EPB41L3: variants seen among roughly 807,000 people sequenced by gnomAD.
EPB41L3 encodes band 4.1-like protein 3.
EPB41L3 carries 57 observed loss-of-function variants against 127.1 expected under a neutral mutation model. The observed-to-expected ratio is 0.45, with a 90% CI of 0.36 to 0.56. The LOEUF is 0.56. EPB41L3 is among the 20% of genes least tolerant of loss of function. EPB41L3 has a pLI of 0.00. For missense variants in EPB41L3, 1,273 were observed against 1,372.2 expected, an observed-to-expected ratio of 0.93 and a Z score of 1.14; for synonymous variants, 572 against 549.5, an observed-to-expected ratio of 1.04 and a Z score of -0.57.
chr18:5,407,616 G>C, intron 15 of EPB41L3, 85 bp downstream of exon 15: 1 of 1,423,680 alleles, frequency 7.0e-7, no homozygotes, highest in East Asian at 2.3e-5. Flanking sequence ...CATGCTGAAA[G>C]ATCTGAACGC....
intron 3 of EPB41L3, among the ~76,000 whole-genome samples, chr18:5,592,285 G>A (rs2094493224): frequency 6.6e-6 from 1 of 152,088 alleles, no homozygotes; most frequent in African/African-American, 2.4e-5. Context: ...TCCTGCCTCA[G>A]CCTCCTGAGT....
At chr18:5,569,441 C>A (rs2094248396) in intron 3 of EPB41L3, among the ~76,000 whole-genome samples, 1 of 152,026 alleles carries the variant, frequency 6.6e-6, no homozygotes, top group Non-Finnish European at 1.5e-5. Context: ...AAAGTAGTCC[C>A]CCTAATTAGA....
At chr18:5,464,255 T>A (rs1454504466) in intron 3 of EPB41L3, among the ~76,000 whole-genome samples, 1 of 152,206 alleles carries the variant, frequency 6.6e-6, no homozygotes, top group Non-Finnish European at 1.5e-5. Flanking sequence ...ACAGGGATAG[T>A]CAGCTAACAT....
At chr18:5,465,232 C>A (rs999895979) in intron 3 of EPB41L3, among the ~76,000 whole-genome samples, 1 of 152,188 alleles carries the variant, frequency 6.6e-6, no homozygotes, top group African/African-American at 2.4e-5. Context: ...ATCTTAAGCA[C>A]AATTGTTGCT....
chr18:5,424,337 A>G lies in EPB41L3; in HGVS notation c.1088T>C (p.Ile363Thr). Residue 363 changes from isoleucine (I) to threonine (T), a missense_variant, in exon 10 of 23, where the codon ATT (isoleucine) becomes ACT (threonine). Ile to Thr is a moderately conservative substitution (Grantham distance 89, BLOSUM62 -1). Coordinates refer to ENST00000341928, the MANE Select transcript of EPB41L3 (RefSeq NM_012307.5). ...TCGATGGTTTGGCAGCTTAAACCCA[A>G]TGGTGCTTTCAAATTGTTCAAACTA... ...PGEFEQFEST[I>T]GFKLPNHRAA... The G allele has an allele frequency of 1.9e-6, 3 of 1,605,224 alleles. No homozygotes were observed. The highest frequency in any genetic ancestry group is 2.6e-6 in the Non-Finnish European group (3 of 1,176,190).
chr18:5,544,573 T>A (rs1468451261), upstream of EPB41L3, among the ~76,000 whole-genome samples: 1 of 152,208 alleles, frequency 6.6e-6, no homozygotes, highest in Non-Finnish European at 1.5e-5. Flanking sequence ...CACCGAAATT[T>A]ACCTTGATTT....
chr18:5,496,901 C>A (rs1399236175), intron 1 of EPB41L3, among the ~76,000 whole-genome samples: 2 of 152,128 alleles, frequency 1.3e-5, no homozygotes, highest in Non-Finnish European at 2.9e-5. Flanking sequence ...AGCCTACATT[C>A]TAATTGGAGG....
intron 1 of EPB41L3, among the ~76,000 whole-genome samples, chr18:5,490,554 C>T (rs1248193752): frequency 6.6e-6 from 1 of 152,128 alleles, no homozygotes; most frequent in Non-Finnish European, 1.5e-5. Flanking sequence ...ATAAAAGAGA[C>T]ATATCAATTT....
chr18:5,492,692 A>G lies in EPB41L3; in HGVS notation c.-11-3498T>C, dbSNP rs572459148. Among the ~76,000 whole-genome samples, 34 of 152,312 alleles carry G rather than the reference A, an allele frequency of 2.2e-4. 1 individual carries two copies. The highest frequency in any genetic ancestry group is 8.2e-4 in the African/African-American group (34 of 41,572). The stretch of plus-strand genomic sequence containing the variant: ...CAAAATGTATTTATGCTTAGTTTTG[A>G]CTGAAACTGTCCTTTCCTTATACTA... On this transcript the variant is annotated intron_variant, in intron 1 of 22. Transcript: ENST00000341928.
At chr18:5,475,219 A>G (rs150051581) in intron 3 of EPB41L3, among the ~76,000 whole-genome samples, 1 of 152,354 alleles carries the variant, frequency 6.6e-6, no homozygotes, top group African/African-American at 2.4e-5. Context: ...ATTATTAAAC[A>G]GGGACCATTT....
At chr18:5,563,778 A>G (rs7237054) in intron 3 of EPB41L3, among the ~76,000 whole-genome samples, 39,608 of 152,108 alleles carry the variant, frequency 0.26, 5,929 homozygotes, top group African/African-American at 0.41. Context: ...CTGAAAGAGT[A>G]CAAGATAAAT....
chr18:5,410,439 C>T (rs2076052572), intron 14 of EPB41L3, 127 bp downstream of exon 14: 1 of 661,904 alleles, frequency 1.5e-6, no homozygotes, highest in African/African-American at 1.8e-5. Flanking sequence ...ACATATTTAA[C>T]TCCAACTGTT....
At chr18:5,566,743 T>TTCCATTCC (rs1599015029) in intron 3 of EPB41L3, among the ~76,000 whole-genome samples, 2 of 127,136 alleles carry the variant, frequency 1.6e-5, no homozygotes, top group East Asian at 4.9e-4. Flanking sequence ...TATTCTATTC[T>TTCCATTCC]ATTCTATTCT....
intron 3 of EPB41L3, among the ~76,000 whole-genome samples, chr18:5,587,036 T>C (rs1395295898): frequency 6.6e-6 from 1 of 152,176 alleles, no homozygotes; most frequent in African/African-American, 2.4e-5. Flanking sequence ...TAGTTTGCCA[T>C]GTTTACAAAA....
intron 3 of EPB41L3, among the ~76,000 whole-genome samples, chr18:5,582,678 A>G (rs2094404515): frequency 6.6e-6 from 1 of 152,226 alleles, no homozygotes; most frequent in African/African-American, 2.4e-5. Flanking sequence ...CCCACTTTGG[A>G]AAGGAAGAAA....
intron 2 of EPB41L3, among the ~76,000 whole-genome samples, chr18:5,614,053 C>T (rs948071134): frequency 6.6e-6 from 1 of 152,182 alleles, no homozygotes; most frequent in East Asian, 1.9e-4. Context: ...GAACACACAG[C>T]AGAAGGGCAA....
chr18:5,466,544 C>A (rs796810244), intron 3 of EPB41L3, among the ~76,000 whole-genome samples: 4 of 152,280 alleles, frequency 2.6e-5, no homozygotes, highest in African/African-American at 9.6e-5. Context: ...ATCATGCACG[C>A]AACACGCCAC....
chr18:5,414,489 T>A (rs1430617965), intron 13 of EPB41L3, among the ~76,000 whole-genome samples: 1 of 152,216 alleles, frequency 6.6e-6, no homozygotes, highest in Non-Finnish European at 1.5e-5. Context: ...ACCCTCAACA[T>A]ATAATACTAT....
At chr18:5,408,012 T>A (rs1338901696) in intron 14 of EPB41L3, among the ~76,000 whole-genome samples, 2 of 152,152 alleles carry the variant, frequency 1.3e-5, no homozygotes, top group Non-Finnish European at 2.9e-5. Context: ...ACAGCAAGGG[T>A]GTGGCAGGTT....
Sources: gnomAD v4.1 joint callset for allele counts (sites outside exome capture counted in the v4.1 genomes callset) on GRCh38, gnomAD v4.1.1 for gene constraint, MANE v1.5 for transcripts, NCBI Gene and HGNC (gene_info 2026-07-23, HGNC 2026-07-21) for gene names.